The following WDFY4 variants were observed in gnomAD, a reference collection of about 807,000 sequenced individuals.
WDFY4 encodes WDFY family member 4, also known as WD repeat- and FYVE domain-containing protein 4.
Under a neutral mutation model 351.9 loss-of-function variants are expected in WDFY4, and 169 were observed. The observed-to-expected ratio is 0.48, with a 90% CI of 0.42 to 0.55. The LOEUF (loss-of-function observed/expected upper bound fraction) is 0.55. WDFY4 is among the 20% of genes least tolerant of loss of function. The pLI is 0.00. For synonymous variants in WDFY4, 1,622 were observed against 1,574.6 expected, an observed-to-expected ratio of 1.03 and a Z score of -0.71; for missense variants, 3,803 against 3,935.6, an observed-to-expected ratio of 0.97 and a Z score of 0.90.
At chr10:48,779,008 T>C (rs932524904) in intron 18 of WDFY4, among the ~76,000 whole-genome samples, 176 bp downstream of exon 18, 8 of 152,238 alleles carry the variant, frequency 5.3e-5, no homozygotes, top group Admixed American at 3.3e-4. Context: ...TTTGTTGTGG[T>C]TCACTGTGGC....
intron 12 of WDFY4, among the ~76,000 whole-genome samples, chr10:48,756,211 G>A (rs930168718): frequency 6.6e-5 from 10 of 151,986 alleles, no homozygotes; most frequent in African/African-American, 2.4e-4. Context: ...ATCAAAGTCT[G>A]TCATATTCAG....
intron 1 of WDFY4, among the ~76,000 whole-genome samples, chr10:48,693,996 G>A (rs1295790106): frequency 1.3e-5 from 2 of 152,160 alleles, no homozygotes; most frequent in African/African-American, 2.4e-5. Context: ...GAGGAGCCAG[G>A]CATGCATACT....
chr10:48,959,877 A>AG (rs1841780468), intron 53 of WDFY4, 64 bp downstream of exon 53: 4 of 1,452,754 alleles, frequency 2.8e-6, no homozygotes, highest in Non-Finnish European at 3.7e-6. Flanking sequence ...AGTTCCACCG[A>AG]GGCTTTCTGT....
chr10:48,769,641 T>A (rs574068027), intron 13 of WDFY4, among the ~76,000 whole-genome samples: 1 of 152,192 alleles, frequency 6.6e-6, no homozygotes, highest in African/African-American at 2.4e-5. Flanking sequence ...TTGGTTCATA[T>A]GCAGAAGACG....
chr10:48,695,842 T>C (rs548176122), intron 1 of WDFY4, among the ~76,000 whole-genome samples: 25 of 152,170 alleles, frequency 1.6e-4, no homozygotes, highest in African/African-American at 5.8e-4. Flanking sequence ...TTTGGCAATG[T>C]GGAAGTAGGT....
chr10:48,981,504 T>C (rs1330619382), intron 61 of WDFY4, 26 bp downstream of exon 61: 7 of 1,549,002 alleles, frequency 4.5e-6, no homozygotes, highest in Admixed American at 2.0e-5. Flanking sequence ...TTTCTCTGGG[T>C]CTCCAGCAGA....
chr10:48,887,135 C>T (rs1053876024), intron 43 of WDFY4, among the ~76,000 whole-genome samples: 1 of 152,180 alleles, frequency 6.6e-6, no homozygotes, highest in African/African-American at 2.4e-5. Context: ...TTAAGTCTTC[C>T]CAAAGGGAAG....
intron 41 of WDFY4, 89 bp from the exon 42 acceptor site, chr10:48,875,000 C>A: frequency 2.8e-6 from 2 of 709,218 alleles, no homozygotes; most frequent in Non-Finnish European, 4.3e-6. Flanking sequence ...CATGCATGTG[C>A]GTGTTTGTGA....
At chr10:48,797,171 T>C (rs1421784425) in intron 24 of WDFY4, among the ~76,000 whole-genome samples, 1 of 152,144 alleles carries the variant, frequency 6.6e-6, no homozygotes, top group Non-Finnish European at 1.5e-5. Flanking sequence ...TATATGCTAT[T>C]TGCAAATACT....
intron 35 of WDFY4, 148 bp downstream of exon 35, chr10:48,822,685 G>A (rs10857651): frequency 0.25 from 255,143 of 1,022,244 alleles, 37,709 homozygotes; most frequent in East Asian, 0.72. Context: ...TTAGTCCCAG[G>A]TAATACCTGG....
chr10:48,814,047 C>T lies in WDFY4; in HGVS notation c.5305C>T (p.Leu1769Phe), dbSNP rs2067540316. Residue 1769 changes from leucine (L) to phenylalanine (F), a missense_variant, in exon 31 of 62, where the codon CTC becomes TTC. Physicochemically the swap from Leu to Phe is conservative, Grantham distance 22. Coordinates refer to ENST00000325239, the MANE Select transcript of WDFY4 (RefSeq NM_001394531.1). ...TGGGCTGTGCACAGAAGGTGCCTTG[C>T]TCCTCCTGGAAATGCTGAAGGCCAC... is the stretch of plus-strand genomic sequence containing the variant. Reference protein sequence around the residue: ...QAGLCTEGALLLLEMLKATMS... With the variant: ...QAGLCTEGALFLLEMLKATMS... 6 of 1,550,100 alleles carry T rather than the reference C, an allele frequency of 3.9e-6. No homozygotes were observed. Among genetic ancestry groups the T allele is most frequent in the Non-Finnish European group, 5.2e-6 (6 of 1,145,916 alleles).
chr10:48,975,087 G>A lies in WDFY4; in HGVS notation c.9108+46G>A, dbSNP rs375682744. 3.8e-5 allele frequency: 59 copies of A among 1,550,864 alleles called. No homozygotes were observed. In the African/African-American group the frequency reaches 7.4e-4, roughly 19 times the overall value. ...TGTCCGTGTCCTCACCTTCGCAGTA[G>A]CATGGGGTACAACACTCAGGAGAAA... is the stretch of plus-strand genomic sequence containing the variant. On this transcript the variant is annotated intron_variant, in intron 58 of 61. Transcript: ENST00000325239.
chr10:48,836,614 A>C (rs957371291), intron 39 of WDFY4, among the ~76,000 whole-genome samples: 3 of 152,190 alleles, frequency 2.0e-5, no homozygotes, highest in African/African-American at 7.2e-5. Flanking sequence ...TCAGTAGAAA[A>C]TGTTTTATTC....
intron 11 of WDFY4, among the ~76,000 whole-genome samples, chr10:48,742,532 A>G (rs1341792820): frequency 6.6e-6 from 1 of 152,230 alleles, no homozygotes; most frequent in Non-Finnish European, 1.5e-5. Flanking sequence ...GCTGTGTTCC[A>G]CAGTAGTAAG....
chr10:48,774,534 T>C lies in WDFY4; in HGVS notation c.2630T>C (p.Met877Thr), dbSNP rs901615233. The C allele has an allele frequency of 1.1e-5, 17 of 1,551,600 alleles. No individual in the cohort carries two copies. The highest frequency in any genetic ancestry group is 3.3e-4 in the Middle Eastern group (2 of 6,014). Reference protein sequence around the residue: ...LVKSEKNRQVMCEAGLLGTLM... With the variant: ...LVKSEKNRQVTCEAGLLGTLM... ...AAGTCGGAGAAGAACCGCCAGGTCA[T>C]GTGCGAAGCAGGCTTGCTTGGGACC... The change falls in exon 14 of 62, where the codon ATG becomes ACG. Residue 877 changes from methionine (M) to threonine (T), a missense_variant. Coordinates refer to ENST00000325239, the MANE Select transcript of WDFY4 (RefSeq NM_001394531.1).
At chr10:48,735,035 C>A (rs1463453070) in intron 10 of WDFY4, among the ~76,000 whole-genome samples, 1 of 149,556 alleles carries the variant, frequency 6.7e-6, no homozygotes, top group Admixed American at 6.7e-5. Context: ...AGGCGATCTG[C>A]CTGCCTCAGT....
At chr10:48,922,552 GTTC>G (rs1839181317) in intron 47 of WDFY4, among the ~76,000 whole-genome samples, 2 of 152,186 alleles carry the variant, frequency 1.3e-5, no homozygotes, top group Non-Finnish European at 2.9e-5. Flanking sequence ...ATGAATTGTT[GTTC>G]ATCTCTTACG....
chr10:48,939,740 T>A lies in WDFY4; in HGVS notation c.7587-2066T>A, dbSNP rs76025706. On this transcript the variant is annotated intron_variant, in intron 47 of 61. Coordinates refer to ENST00000325239, the MANE Select transcript of WDFY4 (RefSeq NM_001394531.1). ...TAAAACAATATTTTTAAAAAATAGATCTCACCTTTGGTTAGGTGTCCTGGA... is the reference window on the plus strand; with the variant it reads ...TAAAACAATATTTTTAAAAAATAGAACTCACCTTTGGTTAGGTGTCCTGGA... 5.1e-3 allele frequency among the ~76,000 whole-genome samples: 774 copies of A among 152,336 alleles called. 3 individuals carry two copies. Among genetic ancestry groups the A allele is most frequent in the African/African-American group, 0.018 (741 of 41,572 alleles).
chr10:48,725,747 G>A (rs535548390), intron 5 of WDFY4, 134 bp from the exon 6 acceptor site: 32 of 970,432 alleles, frequency 3.3e-5, no homozygotes, highest in Admixed American at 1.7e-4. Flanking sequence ...TGGGACAGAG[G>A]GTGACCCCAT....
Sources: gnomAD v4.1 joint callset for allele counts (sites outside exome capture counted in the v4.1 genomes callset) on GRCh38, gnomAD v4.1.1 for gene constraint, MANE v1.5 for transcripts, NCBI Gene and HGNC (gene_info 2026-07-23, HGNC 2026-07-21) for gene names.